MYO7A: variants seen among roughly 807,000 people sequenced by gnomAD.
The protein encoded by MYO7A is unconventional myosin-VIIa.
Under a neutral mutation model 263.8 loss-of-function variants are expected in MYO7A, and 210 were observed. The ratio of observed to expected loss-of-function variants is 0.80; its 90% CI spans 0.71 to 0.89. MYO7A has a LOEUF of 0.89. Ranked by LOEUF, MYO7A falls within the 40% of genes least tolerant of loss-of-function variation. MYO7A has a pLI of 0.00. For synonymous variants in MYO7A, 1,239 were observed against 1,197.3 expected (o/e 1.03, Z -0.72); for missense variants, 2,820 against 2,968.3 (o/e 0.95, Z 1.16).
At chr11:77,178,009 TTCTA>T (rs1954786970) in intron 19 of MYO7A, among the ~76,000 whole-genome samples, 1 of 152,006 alleles carries the variant, frequency 6.6e-6, no homozygotes, top group African/African-American at 2.4e-5. Flanking sequence ...GTGTCTCATA[TTCTA>T]TCTAAGGGAT....
rs771491961 is a variant in MYO7A, at chr11:77,206,128, G to T, written c.5668G>T (p.Val1890Leu). Reference protein sequence around the residue: ...NGSRKYPPHLVEVEAIQHKTT... With the variant: ...NGSRKYPPHLLEVEAIQHKTT... ...GTCCCGGAAGTACCCTCCGCACCTG[G>T]TGGAGGTGGAGGCCATCCAGCACAA... Residue 1890 changes from valine (V) to leucine (L), a missense_variant, in exon 41 of 49, where the codon GTG becomes TTG. Physicochemically the swap from Val to Leu is conservative, Grantham distance 32. Transcript: ENST00000409709. The T allele has an allele frequency of 8.7e-6, 14 of 1,613,276 alleles. No homozygotes were observed. The highest frequency in any genetic ancestry group is 5.9e-6 in the Non-Finnish European group (7 of 1,179,696).
At chr11:77,207,087 G>A (rs1236721189) in intron 41 of MYO7A, 2 of 487,600 alleles carry the variant, frequency 4.1e-6, no homozygotes. Flanking sequence ...CTTCTGCTTG[G>A]AGAGTCGGGA....
chr11:77,196,174 C>A (rs1956647119), intron 32 of MYO7A, among the ~76,000 whole-genome samples: 1 of 152,230 alleles, frequency 6.6e-6, no homozygotes, highest in South Asian at 2.1e-4. Flanking sequence ...TGAGACGAGC[C>A]TGGCCAACAT....
At position 77,182,066 on chromosome 11, in the gene MYO7A, C is replaced by T; in HGVS notation, c.3020C>T (p.Thr1007Ile). ...SEYKFAKFAA[T>I]YFQGTTTHSY... ...TATAAATTTGCCAAGTTCGCGGCCA[C>T]CTACTTCCAGGGGACAACCACGCAC... Residue 1007 changes from threonine to isoleucine, a missense_variant, in exon 24 of 49, where the codon ACC (threonine) becomes ATC (isoleucine). Physicochemically the swap from Thr to Ile is moderately conservative, Grantham distance 89. Coordinates refer to ENST00000409709, the MANE Select transcript of MYO7A (RefSeq NM_000260.4). The T allele has an allele frequency of 6.2e-7, 1 of 1,613,486 alleles. No homozygotes were observed. Among genetic ancestry groups the T allele is most frequent in the Non-Finnish European group, 8.5e-7 (1 of 1,179,852 alleles).
At chr11:77,211,978 G>A (rs1957920300) in intron 46 of MYO7A, 41 bp downstream of exon 46, 4 of 1,502,100 alleles carry the variant, frequency 2.7e-6, no homozygotes, top group Non-Finnish European at 3.7e-6. Flanking sequence ...GAGGGGAACA[G>A]GGCATTGATA....
At chr11:77,165,346 C>T (rs1383921117) in intron 14 of MYO7A, among the ~76,000 whole-genome samples, 1 of 152,184 alleles carries the variant, frequency 6.6e-6, no homozygotes, top group Non-Finnish European at 1.5e-5. Flanking sequence ...CCCCATTAAC[C>T]AGTTTCCAAC....
intron 44 of MYO7A, chr11:77,210,854 T>G: frequency 3.4e-6 from 1 of 294,374 alleles, no homozygotes; most frequent in Admixed American, 4.7e-5. Flanking sequence ...TCACTCTGAG[T>G]TTCTTCATCT....
At chr11:77,206,809 A>G (rs1957471039) in intron 41 of MYO7A, among the ~76,000 whole-genome samples, 1 of 152,184 alleles carries the variant, frequency 6.6e-6, no homozygotes, top group Admixed American at 6.5e-5. Context: ...CAGAAATGCC[A>G]TAACAGGATT....
In MYO7A at chr11:77,194,379, CCCAGCAG is replaced by C. The variant is rs1349876266; in HGVS notation, c.4179_4185del (p.Gln1394ThrfsTer3). ...GAGGACGACCTGGCTGAGCTGGCCT[CCCAGCAG>C]TACTTTGTAGACTATGGCTCTGAGA... On this transcript the variant is annotated frameshift_variant, in exon 32 of 49. Coordinates refer to ENST00000409709, the MANE Select transcript of MYO7A (RefSeq NM_000260.4). LOFTEE classifies it high-confidence loss of function. 1 of 1,612,614 alleles carries C rather than the reference CCCAGCAG, an allele frequency of 6.2e-7. No homozygotes were observed.
At chr11:77,139,033 G>T (rs904237690) in intron 2 of MYO7A, among the ~76,000 whole-genome samples, 3 of 152,238 alleles carry the variant, frequency 2.0e-5, no homozygotes, top group African/African-American at 7.2e-5. Flanking sequence ...ATATTGGCTC[G>T]AGACCGGCTT....
intron 15 of MYO7A, 63 bp downstream of exon 15, chr11:77,166,225 C>A: frequency 1.4e-6 from 2 of 1,408,894 alleles, no homozygotes; most frequent in Non-Finnish European, 1.0e-6. Context: ...TGAGTCTAAG[C>A]CCTGCCCTTG....
intron 2 of MYO7A, among the ~76,000 whole-genome samples, chr11:77,141,991 G>A (rs1555050854): frequency 6.6e-6 from 1 of 152,232 alleles, no homozygotes; most frequent in African/African-American, 2.4e-5. Context: ...TTTGCACTCA[G>A]TAGGTAATCA....
In MYO7A at chr11:77,181,779, GTTTTT is replaced by G. The variant is rs782689084; in HGVS notation, c.2905-153_2905-149del. Among the ~76,000 whole-genome samples, 1,278 of 90,086 alleles carry G rather than the reference GTTTTT, an allele frequency of 0.014. 25 individuals are homozygous for G. Among genetic ancestry groups the G allele is most frequent in the Non-Finnish European group, 0.021 (869 of 42,178 alleles). 59.1% of individuals were successfully genotyped at this position (90,086 alleles called of 152,430 possible). A position where few individuals can be genotyped will look rare whatever the true frequency, so the allele number is the denominator to read the frequency against. On this transcript the variant is annotated intron_variant, in intron 23 of 48. Transcript: ENST00000409709. ...ACGCCCTTCTCAAGTTTTTTTTTTT[GTTTTT>G]TTTTTTTTTTTTTTTTTTGAGATGG...
chr11:77,177,272 T>C (rs1555080544), intron 18 of MYO7A, among the ~76,000 whole-genome samples: 1 of 152,054 alleles, frequency 6.6e-6, no homozygotes, highest in East Asian at 1.9e-4. Context: ...AAGAAGCTGG[T>C]GTGTGTGCAT....
chr11:77,160,196 A>C lies in MYO7A; in HGVS notation c.1114A>C (p.Ser372Arg). ...NPPDLMSCLT[S>R]RTLITRGETV... Reference sequence around the variant, plus strand: ...CCCAGACCTGATGAGCTGCCTGACTAGCCGCACCCTCATCACCCGCGGGGA... The same window carrying C: ...CCCAGACCTGATGAGCTGCCTGACTCGCCGCACCCTCATCACCCGCGGGGA... Residue 372 changes from serine (S) to arginine (R), a missense_variant, in exon 11 of 49, where the codon AGC becomes CGC. Physicochemically the swap from Ser to Arg is moderately radical, Grantham distance 110. Coordinates refer to ENST00000409709, the MANE Select transcript of MYO7A (RefSeq NM_000260.4). 6.3e-7 allele frequency: 1 copy of C among 1,576,438 alleles called. No homozygotes were observed. Among genetic ancestry groups the C allele is most frequent in the Non-Finnish European group, 8.6e-7 (1 of 1,161,706 alleles).
At chr11:77,182,658 G>A in intron 25 of MYO7A, 58 bp downstream of exon 25, 1 of 1,578,172 alleles carries the variant, frequency 6.3e-7, no homozygotes, top group South Asian at 1.1e-5. Context: ...GAGGGCCGCT[G>A]GCATCACCAG....
chr11:77,133,289 T>G (rs868950930), intron 2 of MYO7A, among the ~76,000 whole-genome samples: 1 of 152,104 alleles, frequency 6.6e-6, no homozygotes, highest in Non-Finnish European at 1.5e-5. Flanking sequence ...CTGACTCACA[T>G]CTTTAAGGAC....
intron 2 of MYO7A, among the ~76,000 whole-genome samples, chr11:77,133,662 T>C (rs988772249): frequency 1.3e-5 from 2 of 152,196 alleles, no homozygotes; most frequent in African/African-American, 2.4e-5. Flanking sequence ...GGTTGGTTTT[T>C]GTTTTGTTTT....
At chr11:77,131,095 G>A (rs1394456735) in intron 2 of MYO7A, among the ~76,000 whole-genome samples, 1 of 152,152 alleles carries the variant, frequency 6.6e-6, no homozygotes, top group Non-Finnish European at 1.5e-5. Flanking sequence ...GGATTTTATG[G>A]GAAGAAGCAG....
Sources: allele counts gnomAD v4.1 joint callset (sites outside exome capture counted in the v4.1 genomes callset), GRCh38; gene constraint gnomAD v4.1.1; transcripts MANE v1.5; gene names NCBI Gene and HGNC (gene_info 2026-07-23, HGNC 2026-07-21).